The following PRKG1 variants were observed in gnomAD, a reference collection of about 807,000 sequenced individuals.
PRKG1 encodes cGMP-dependent protein kinase 1.
PRKG1 carries 35 observed loss-of-function variants against 88.1 expected under a neutral mutation model. That is an observed-to-expected ratio of 0.40 (90% confidence interval 0.30 to 0.53). PRKG1 has a LOEUF of 0.53. Among genes scored for constraint, PRKG1 ranks in the 20% least tolerant of loss-of-function variants. PRKG1 has a pLI of 0.59. For missense variants in PRKG1, 540 were observed against 839.8 expected (o/e 0.64, Z 4.41); for synonymous variants, 303 against 292.5 (o/e 1.04, Z -0.37).
chr10:51,581,210 C>T (rs2132186844), intron 3 of PRKG1, among the ~76,000 whole-genome samples: 1 of 152,216 alleles, frequency 6.6e-6, no homozygotes, highest in South Asian at 2.1e-4. Context: ...TAAGAATTTA[C>T]AATATAGTGT....
At chr10:51,102,424 G>A (rs1844708460) in intron 1 of PRKG1, among the ~76,000 whole-genome samples, 1 of 151,876 alleles carries the variant, frequency 6.6e-6, no homozygotes, top group Non-Finnish European at 1.5e-5. Context: ...TAAAATAAAG[G>A]GTCTCTGGAG....
At chr10:51,162,732 T>C (rs74805069) in intron 2 of PRKG1, among the ~76,000 whole-genome samples, 5,301 of 152,108 alleles carry the variant, frequency 0.035, 299 homozygotes, top group African/African-American at 0.12. Context: ...GTTATTTTAT[T>C]AGTTTTGAGA....
intron 7 of PRKG1, among the ~76,000 whole-genome samples, chr10:52,092,144 T>C (rs79809825): frequency 0.011 from 1,700 of 152,266 alleles, 38 homozygotes; most frequent in African/African-American, 0.037. Context: ...GGCAGGTTGG[T>C]TAGACTTTTA....
rs547340353 is a variant in PRKG1, at chr10:51,223,985, T to G, written c.478+70655T>G. Among the ~76,000 whole-genome samples, 32 of 152,274 alleles carry G rather than the reference T, an allele frequency of 2.1e-4. No homozygotes were observed. In the South Asian group the frequency reaches 6.0e-3, roughly 29 times the overall value. The stretch of plus-strand genomic sequence containing the variant: ...GGAGCAGGTTTTTATAATTCTCTTC[T>G]ACATGCCCATCCTGTAAATGGTATC... On this transcript the variant is annotated intron_variant, in intron 2 of 17. Coordinates refer to ENST00000373980, the MANE Select transcript of PRKG1 (RefSeq NM_006258.4).
intron 1 of PRKG1, among the ~76,000 whole-genome samples, chr10:51,028,448 G>A (rs765173343): frequency 9.9e-5 from 15 of 152,114 alleles, no homozygotes; most frequent in Non-Finnish European, 1.9e-4. Context: ...GATTGGATTT[G>A]GCTGTATTCT....
chr10:51,603,881 T>C (rs1334211588), intron 3 of PRKG1, among the ~76,000 whole-genome samples: 1 of 152,318 alleles, frequency 6.6e-6, no homozygotes, highest in East Asian at 1.9e-4. Flanking sequence ...TACTCCTCTA[T>C]TGTCTTCAAG....
chr10:52,131,838 A>AC (rs1837273348), intron 7 of PRKG1, among the ~76,000 whole-genome samples: 5 of 148,948 alleles, frequency 3.4e-5, no homozygotes, highest in African/African-American at 1.2e-4. Flanking sequence ...AAAAAAAAAA[A>AC]AAAAAAAAGA....
chr10:51,543,560 A>G (rs1297955194), intron 3 of PRKG1, among the ~76,000 whole-genome samples: 5 of 152,178 alleles, frequency 3.3e-5, no homozygotes, highest in Non-Finnish European at 4.4e-5. Flanking sequence ...GATATTACTA[A>G]AAGTTTTGCA....
intron 1 of PRKG1, among the ~76,000 whole-genome samples, chr10:51,081,192 G>A (rs186039937): frequency 8.4e-4 from 127 of 152,078 alleles, no homozygotes; most frequent in African/African-American, 2.9e-3. Context: ...TATTTTAAGC[G>A]TGAAATTTAT....
At chr10:51,686,736 C>T (rs1466110334) in intron 3 of PRKG1, among the ~76,000 whole-genome samples, 2 of 152,034 alleles carry the variant, frequency 1.3e-5, no homozygotes, top group African/African-American at 4.8e-5. Flanking sequence ...TTCTTTACAA[C>T]CTTTTTTGTT....
chr10:51,269,807 C>G (rs902871249), intron 2 of PRKG1, among the ~76,000 whole-genome samples: 4 of 152,060 alleles, frequency 2.6e-5, no homozygotes, highest in African/African-American at 9.7e-5. Flanking sequence ...TCAGAAATCA[C>G]CACTAATGAA....
chr10:51,634,978 A>G (rs1472483425), intron 3 of PRKG1, among the ~76,000 whole-genome samples: 4 of 152,232 alleles, frequency 2.6e-5, no homozygotes, highest in African/African-American at 7.2e-5. Flanking sequence ...TTGAAAAACA[A>G]CCTGTTAGGT....
intron 5 of PRKG1, among the ~76,000 whole-genome samples, chr10:51,939,621 C>T (rs1414182113): frequency 1.3e-5 from 2 of 151,166 alleles, no homozygotes; most frequent in African/African-American, 4.9e-5. Context: ...TGAGAAACAC[C>T]ACTATCTTGG....
chr10:51,585,721 G>A (rs545676930), intron 3 of PRKG1, among the ~76,000 whole-genome samples: 123 of 152,146 alleles, frequency 8.1e-4, no homozygotes, highest in African/African-American at 2.8e-3. Flanking sequence ...ATCAACCTAG[G>A]AGCCCATTAG....
intron 1 of PRKG1, among the ~76,000 whole-genome samples, chr10:51,129,628 A>G (rs1589177062): frequency 6.6e-6 from 1 of 152,212 alleles, no homozygotes; most frequent in African/African-American, 2.4e-5. Flanking sequence ...GAGCTTCATT[A>G]AAGTCTTTGG....
intron 1 of PRKG1, among the ~76,000 whole-genome samples, chr10:51,010,777 A>T (rs1564569665): frequency 6.6e-6 from 1 of 152,182 alleles, no homozygotes; most frequent in African/African-American, 2.4e-5. Context: ...GTATCAAGTG[A>T]CTCAGTTTTC....
chr10:51,172,530 A>G (rs1837059140), intron 2 of PRKG1, among the ~76,000 whole-genome samples: 1 of 152,030 alleles, frequency 6.6e-6, no homozygotes, highest in South Asian at 2.1e-4. Context: ...TTTTAATAAT[A>G]CACCATTTTG....
chr10:51,575,372 C>T (rs1284161053), intron 3 of PRKG1, among the ~76,000 whole-genome samples: 7 of 151,958 alleles, frequency 4.6e-5, no homozygotes, highest in East Asian at 1.9e-4. Context: ...TTCCATGGCT[C>T]TGCCAATGTT....
chr10:51,792,365 T>C (rs1838890328), intron 3 of PRKG1, among the ~76,000 whole-genome samples: 1 of 152,092 alleles, frequency 6.6e-6, no homozygotes, highest in Non-Finnish European at 1.5e-5. Flanking sequence ...ACCTGACCTT[T>C]GCCTCATGCC....
Sources: gnomAD v4.1 joint callset for allele counts (sites outside exome capture counted in the v4.1 genomes callset) on GRCh38, gnomAD v4.1.1 for gene constraint, MANE v1.5 for transcripts, NCBI Gene and HGNC (gene_info 2026-07-23, HGNC 2026-07-21) for gene names.